The following TEX9 variants were observed in gnomAD, a reference collection of about 807,000 sequenced individuals.
TEX9 encodes the protein testis expressed 9.
In TEX9, 74 loss-of-function variants were observed where a neutral mutation model predicts 59.6. The observed-to-expected ratio is 1.24, with a 90% CI of 1.03 to 1.51. The LOEUF (loss-of-function observed/expected upper bound fraction) is 1.51, where lower values mean the gene tolerates loss of function less well. Ranked by LOEUF, TEX9 falls within the 40% of genes most tolerant of loss-of-function variation. The pLI, the probability that TEX9 is intolerant of heterozygous loss-of-function variation, is 0.00. For missense variants in TEX9, 522 were observed against 447.8 expected (o/e 1.17, Z -1.49); for synonymous variants, 186 against 152.2 (o/e 1.22, Z -1.64).
intron 1 of TEX9, among the ~76,000 whole-genome samples, chr15:56,348,693 A>G (rs2046518910): frequency 6.6e-6 from 1 of 152,094 alleles, no homozygotes; most frequent in Admixed American, 6.6e-5. Flanking sequence ...TTTCAGAAAT[A>G]CGACTATGGC....
At chr15:56,404,426 G>A (rs140344246) in intron 9 of TEX9, among the ~76,000 whole-genome samples, 2,771 of 152,184 alleles carry the variant, frequency 0.018, 30 homozygotes, top group Non-Finnish European at 0.027. Context: ...AATCAAAACC[G>A]CAATGAGATA....
At chr15:56,317,140 C>G (rs903556441) in intron 1 of TEX9, among the ~76,000 whole-genome samples, 2 of 152,186 alleles carry the variant, frequency 1.3e-5, no homozygotes, top group Admixed American at 1.3e-4. Flanking sequence ...AGCTGTAGAC[C>G]GGAGCTGTTC....
chr15:56,342,132 T>G (rs541960287), intron 1 of TEX9, among the ~76,000 whole-genome samples: 1 of 152,292 alleles, frequency 6.6e-6, no homozygotes, highest in South Asian at 2.1e-4. Context: ...TATCACTCCT[T>G]CCTCTTCACT....
At chr15:56,266,097 T>G (rs1387026913) in intron 1 of TEX9, among the ~76,000 whole-genome samples, 3 of 152,184 alleles carry the variant, frequency 2.0e-5, no homozygotes, top group Non-Finnish European at 4.4e-5. Flanking sequence ...TTGTATATTC[T>G]TGGTGAATTG....
At chr15:56,341,130 T>A (rs558782769) in intron 1 of TEX9, among the ~76,000 whole-genome samples, 1 of 152,338 alleles carries the variant, frequency 6.6e-6, no homozygotes, top group Non-Finnish European at 1.5e-5. Flanking sequence ...GATGAGGGTT[T>A]CTTTAATTAA....
intron 7 of TEX9, among the ~76,000 whole-genome samples, chr15:56,391,844 A>G (rs2048227315): frequency 1.3e-5 from 2 of 152,180 alleles, no homozygotes; most frequent in Admixed American, 6.5e-5. Flanking sequence ...TGTTAAATCA[A>G]CACATGCAAA....
At chr15:56,353,516 T>A (rs1451788009) in intron 1 of TEX9, among the ~76,000 whole-genome samples, 1 of 152,208 alleles carries the variant, frequency 6.6e-6, no homozygotes, top group East Asian at 1.9e-4. Context: ...TTGTGAATAA[T>A]AGCTTCTTTT....
At chr15:56,333,295 C>A (rs1303119731) in intron 1 of TEX9, among the ~76,000 whole-genome samples, 1 of 152,006 alleles carries the variant, frequency 6.6e-6, no homozygotes, top group Non-Finnish European at 1.5e-5. Context: ...AATTCAACAA[C>A]ACATCAAAAA....
At chr15:56,457,777 T>TGCACTCCA in the TEX9 span, among the ~76,000 whole-genome samples, 2 of 151,420 alleles carry the variant, frequency 1.3e-5, no homozygotes, top group Non-Finnish European at 2.9e-5. Flanking sequence ...ATCATGCCAC[T>TGCACTCCA]GCACTCCAGC....
intron 1 of TEX9, among the ~76,000 whole-genome samples, chr15:56,356,399 A>C (rs2046685302): frequency 1.3e-5 from 2 of 152,108 alleles, no homozygotes; most frequent in Middle Eastern, 3.4e-3. Context: ...CCTTTAGATA[A>C]ATTATTTATT....
At chr15:56,364,876 T>A (rs186660520), upstream of TEX9, among the ~76,000 whole-genome samples, 48 of 152,324 alleles carry the variant, frequency 3.2e-4, no homozygotes, top group African/African-American at 1.2e-3. Flanking sequence ...AACTGTGAAG[T>A]GGGCACTATT....
chr15:56,336,070 T>C (rs1286835169), intron 1 of TEX9, among the ~76,000 whole-genome samples: 3 of 152,246 alleles, frequency 2.0e-5, no homozygotes, highest in African/African-American at 2.4e-5. Context: ...TGGTCTCCCA[T>C]GTGCAGTTGC....
intron 1 of TEX9, among the ~76,000 whole-genome samples, chr15:56,345,464 C>T (rs933349444): frequency 1.2e-4 from 19 of 152,086 alleles, no homozygotes; most frequent in African/African-American, 4.3e-4. Context: ...CTGGCCTTTT[C>T]CCCCCTAAGA....
At chr15:56,410,642 C>G (rs28408440) in intron 9 of TEX9, among the ~76,000 whole-genome samples, 4,796 of 152,070 alleles carry the variant, frequency 0.032, 187 homozygotes, top group East Asian at 0.096. Context: ...ATTTTTCCCC[C>G]ACACCTCCCA....
chr15:56,339,414 A>AAG (rs2046330944), intron 1 of TEX9, among the ~76,000 whole-genome samples: 1 of 147,134 alleles, frequency 6.8e-6, no homozygotes, highest in Non-Finnish European at 1.5e-5. Flanking sequence ...AAAAAAAAAA[A>AAG]CAGGAGAATA....
chr15:56,334,915 A>G (rs2718904), intron 1 of TEX9, among the ~76,000 whole-genome samples: 86,448 of 151,948 alleles, frequency 0.57, 24,842 homozygotes, highest in Non-Finnish European at 0.6. Flanking sequence ...GTGCTCAACT[A>G]AACATCAGAG....
chr15:56,333,003 A>G (rs1193078822), intron 1 of TEX9, among the ~76,000 whole-genome samples: 1 of 152,212 alleles, frequency 6.6e-6, no homozygotes, highest in African/African-American at 2.4e-5. Flanking sequence ...ATCAATAACA[A>G]GTAACAAGCT....
the TEX9 span, among the ~76,000 whole-genome samples, chr15:56,460,009 A>AAAAAAAAAAATATATATATATATATAT: frequency 8.3e-4 from 22 of 26,370 alleles, 3 homozygotes; most frequent in Non-Finnish European, 1.0e-3. Context: ...AAAAAAAAAA[A>AAAAAAAAAAATATATATATATATATAT]ATACATATAT....
chr15:56,443,510 G>T (rs201188134), intron 12 of TEX9: 3 of 1,597,976 alleles, frequency 1.9e-6, no homozygotes, highest in Admixed American at 1.8e-5. Context: ...TCACGTTGCC[G>T]CAGCATTTCT....
Sources: gnomAD v4.1 joint callset for allele counts (sites outside exome capture counted in the v4.1 genomes callset) on GRCh38, gnomAD v4.1.1 for gene constraint, MANE v1.5 for transcripts, NCBI Gene and HGNC (gene_info 2026-07-23, HGNC 2026-07-21) for gene names.